Variants in MEAF6 observed in about 807,000 individuals in gnomAD.
MEAF6 encodes the protein chromatin modification-related protein MEAF6.
Under a neutral mutation model 28.9 loss-of-function variants are expected in MEAF6, and 15 were observed. That is an observed-to-expected ratio of 0.52 (90% CI 0.35 to 0.80). The LOEUF (loss-of-function observed/expected upper bound fraction) is 0.80. Ranked by LOEUF, MEAF6 falls within the 30% of genes least tolerant of loss-of-function variation. The pLI is 0.01. For synonymous variants in MEAF6, 97 were observed against 88.7 expected (o/e 1.09, Z -0.53); for missense variants, 178 against 237.5 (o/e 0.75, Z 1.65).
chr1:37,507,584 T>G (rs1178981103), intron 4 of MEAF6, among the ~76,000 whole-genome samples: 1 of 151,948 alleles, frequency 6.6e-6, no homozygotes, highest in Non-Finnish European at 1.5e-5. Flanking sequence ...AGAAGTGAAG[T>G]ACCATCACAA....
At chr1:37,494,510 TG>T (rs1395779738) in intron 6 of MEAF6, among the ~76,000 whole-genome samples, 4 of 89,800 alleles carry the variant, frequency 4.5e-5, no homozygotes, top group Non-Finnish European at 2.3e-5. Flanking sequence ...AGTGAAACTC[TG>T]TTTCAAAAAA....
chr1:37,513,933 C>A (rs927209199), intron 1 of MEAF6: 1 of 238,016 alleles, frequency 4.2e-6, no homozygotes, highest in Non-Finnish European at 8.1e-6. Context: ...CGCTCCCCTC[C>A]CCGCAGGCTC....
At chr1:37,509,822 G>A (rs1003865052) in intron 2 of MEAF6, among the ~76,000 whole-genome samples, 3 of 152,028 alleles carry the variant, frequency 2.0e-5, no homozygotes, top group Admixed American at 6.6e-5. Context: ...TGTCGCCTAC[G>A]CTGGAGTGCA....
At chr1:37,509,203 A>C in intron 4 of MEAF6, 75 bp downstream of exon 4, 1 of 1,288,246 alleles carries the variant, frequency 7.8e-7, no homozygotes, top group Non-Finnish European at 1.1e-6. Flanking sequence ...TCAGATACAC[A>C]ATTGGATGAA....
rs1472171342 is a variant in MEAF6 at position 37,493,647 on chromosome 1, G to GA, written c.*451dup. 1.2e-6 allele frequency: 1 copy of GA among 864,586 alleles called. No individual in the cohort carries two copies. Among genetic ancestry groups the GA allele is most frequent in the Non-Finnish European group, 1.8e-6 (1 of 547,734 alleles). The allele number at this position is 864,586 out of a possible 1,614,324, so 53.6% of individuals were successfully genotyped here. A position where few individuals can be genotyped will look rare whatever the true frequency, so the allele number is the denominator to read the frequency against. On this transcript the variant is annotated 3_prime_UTR_variant, in exon 7 of 7. Coordinates refer to ENST00000296214, the MANE Select transcript of MEAF6 (RefSeq NM_001270875.3). ...AGAAAATAAGATAAAAACAACAAGAGAAAAACAAGAAAACATAAAACAATA... is the reference window on the plus strand; with the variant it reads ...AGAAAATAAGATAAAAACAACAAGAGAAAAAACAAGAAAACATAAAACAATA...
At chr1:37,513,894 GA>G in intron 1 of MEAF6, 1 of 319,772 alleles carries the variant, frequency 3.1e-6, no homozygotes, top group Non-Finnish European at 5.7e-6. Context: ...CCAGGAGAGG[GA>G]AAGGTGAGCA....
At chr1:37,514,565 G>GT in intron 1 of MEAF6, 92 bp downstream of exon 1, 1 of 996,462 alleles carries the variant, frequency 1.0e-6, no homozygotes, top group Non-Finnish European at 1.3e-6. Flanking sequence ...CGCCCCCGGA[G>GT]TAACAAACGG....
In MEAF6 at chr1:37,491,696, C is replaced by CAATAATTA. The variant is rs1641934230; in HGVS notation, c.*2402_*2403insTAATTATT. 1.4e-5 allele frequency among the ~76,000 whole-genome samples: 2 copies of CAATAATTA among 142,496 alleles called. No individual in the cohort carries two copies. The highest frequency in any genetic ancestry group is 3.0e-5 in the Non-Finnish European group (2 of 65,786). 93.5% of individuals were successfully genotyped at this position (142,496 alleles called of 152,430 possible). On this transcript the variant is annotated 3_prime_UTR_variant, in exon 7 of 7. Transcript: ENST00000296214. ...CCTGGGTGACAGAGCAAGATCCTGT[C>CAATAATTA]AATAAATAAATAAATAAATAAATAA... is the stretch of plus-strand genomic sequence containing the variant.
Position 37,490,045 on chromosome 1 carries a change from T to A in MEAF6, c.*4054A>T, listed in dbSNP as rs1381359997. Among the ~76,000 whole-genome samples the A allele has an allele frequency of 6.6e-6, 1 of 152,214 alleles. No individual in the cohort carries two copies. Among genetic ancestry groups the A allele is most frequent in the African/African-American group, 2.4e-5 (1 of 41,440 alleles). ...TAATGACCTACATGTACTAATGAACTAATATTGATGTATATTTGATGTATA... is the reference window on the plus strand; with the variant it reads ...TAATGACCTACATGTACTAATGAACAAATATTGATGTATATTTGATGTATA... On this transcript the variant is annotated 3_prime_UTR_variant, in exon 7 of 7. Transcript: ENST00000296214.
rs892047990 is a variant in MEAF6 at position 37,510,744 on chromosome 1, C to T, written c.207-1202G>A. 1.1e-4 allele frequency among the ~76,000 whole-genome samples: 17 copies of T among 151,364 alleles called. 1 individual carries two copies. Among genetic ancestry groups the T allele is most frequent in the African/African-American group, 3.6e-4 (15 of 41,172 alleles). ...TACTTATTTATATATTTTTTTGAGA[C>T]GGAGTTTCACTCTTGTTGCCCAGGC... On this transcript the variant is annotated intron_variant, in intron 2 of 6. Coordinates refer to ENST00000296214, the MANE Select transcript of MEAF6 (RefSeq NM_001270875.3).
Position 37,491,727 on chromosome 1 carries a change from T to TAAAA in MEAF6, c.*2368_*2371dup, listed in dbSNP as rs1553161861. The stretch of plus-strand genomic sequence containing the variant: ...ATAAATAAATAAATAAATAAATAAA[T>TAAAA]AAAATATATAAATACTTAAATAATC... On this transcript the variant is annotated 3_prime_UTR_variant, in exon 7 of 7. Coordinates refer to ENST00000296214, the MANE Select transcript of MEAF6 (RefSeq NM_001270875.3). 4.6e-5 allele frequency among the ~76,000 whole-genome samples: 7 copies of TAAAA among 150,560 alleles called. No homozygotes were observed. The highest frequency in any genetic ancestry group is 7.4e-5 in the Non-Finnish European group (5 of 67,674).
chr1:37,499,205 T>C (rs1023808441), intron 5 of MEAF6, among the ~76,000 whole-genome samples: 31 of 152,170 alleles, frequency 2.0e-4, no homozygotes, highest in Non-Finnish European at 4.4e-4. Context: ...TTATTTCCTT[T>C]TGCTTAAGTG....
chr1:37,506,998 G>C (rs891737325), intron 4 of MEAF6, among the ~76,000 whole-genome samples: 1 of 152,200 alleles, frequency 6.6e-6, no homozygotes, highest in Non-Finnish European at 1.5e-5. Flanking sequence ...GATCAGCTAA[G>C]CCAGGGCAAG....
chr1:37,493,565 T>G lies in MEAF6; in HGVS notation c.*534A>C. 1 of 565,392 alleles carries G rather than the reference T, an allele frequency of 1.8e-6. No homozygotes were observed. The highest frequency in any genetic ancestry group is 2.6e-5 in the South Asian group (1 of 38,870). 35.0% of individuals were successfully genotyped at this position (565,392 alleles called of 1,614,324 possible). ...ATTGGCAACTGCATGAAAGAGATGA[T>G]CAGATATGTCAGCAGGAAAGTATGA... On this transcript the variant is annotated 3_prime_UTR_variant, in exon 7 of 7. Transcript: ENST00000296214.
At chr1:37,496,492 A>G (rs1419432275) in intron 5 of MEAF6, 18 of 919,830 alleles carry the variant, frequency 2.0e-5, no homozygotes, top group Admixed American at 1.2e-4. Context: ...AGAAATTAAA[A>G]TGCATAAAAG....
At chr1:37,510,569 A>G (rs1367594755) in intron 2 of MEAF6, among the ~76,000 whole-genome samples, 2 of 150,864 alleles carry the variant, frequency 1.3e-5, no homozygotes, top group African/African-American at 4.9e-5. Flanking sequence ...TTTAGTAGAG[A>G]CAGGGTTTCA....
chr1:37,509,306 T>C lies in MEAF6; in HGVS notation c.312A>G (p.Ala104=). The C allele has an allele frequency of 3.1e-6, 5 of 1,614,132 alleles. No homozygotes were observed. Among genetic ancestry groups the C allele is most frequent in the Non-Finnish European group, 4.2e-6 (5 of 1,180,016 alleles). The change falls in exon 4 of 7, where the codon GCA becomes GCG. Residue 104 remains alanine, a synonymous_variant. Coordinates refer to ENST00000296214, the MANE Select transcript of MEAF6 (RefSeq NM_001270875.3). ...VTSAAAVSAL[A]GVQDQLIEKR... is the part of the protein sequence containing the mutation. ...TTTCAATGAGCTGGTCCTGAACTCCTGCCAATGCACTTACTGCCTAAAAGA... is the reference window on the plus strand; with the variant it reads ...TTTCAATGAGCTGGTCCTGAACTCCCGCCAATGCACTTACTGCCTAAAAGA...
intron 2 of MEAF6, among the ~76,000 whole-genome samples, chr1:37,511,380 A>C (rs1642665191): frequency 6.6e-6 from 1 of 152,242 alleles, no homozygotes; most frequent in Non-Finnish European, 1.5e-5. Context: ...GAATAATACA[A>C]TTAGAGAATC....
chr1:37,495,866 T>A lies in MEAF6; in HGVS notation c.567+19A>T, dbSNP rs1346034172. The stretch of plus-strand genomic sequence containing the variant: ...TACAAAATTGCCAGCCTCTCTGAAG[T>A]GGTCCGGCTGATACTTACAGCTCGT... On this transcript the variant is annotated intron_variant, in intron 6 of 6. Transcript: ENST00000296214. 2 of 1,613,684 alleles carry A rather than the reference T, an allele frequency of 1.2e-6. No individual in the cohort carries two copies. The highest frequency in any genetic ancestry group is 1.7e-6 in the Non-Finnish European group (2 of 1,179,642).
Sources: allele counts gnomAD v4.1 joint callset (sites outside exome capture counted in the v4.1 genomes callset), GRCh38; gene constraint gnomAD v4.1.1; transcripts MANE v1.5; gene names NCBI Gene and HGNC (gene_info 2026-07-23, HGNC 2026-07-21).